The following DNAJC24 variants were observed in gnomAD, a reference collection of about 807,000 sequenced individuals.
DNAJC24 encodes DnaJ heat shock protein family (Hsp40) member C24.
Under a neutral mutation model 18.0 loss-of-function variants are expected in DNAJC24, and 17 were observed. That is an observed-to-expected ratio of 0.94 (90% CI 0.65 to 1.42). The LOEUF is 1.42. Among genes scored for constraint, DNAJC24 ranks in the 40% most tolerant of loss-of-function variants. The probability of loss-of-function intolerance (pLI) is 0.00; values close to 1 mark genes in which losing one functional copy is unlikely to be tolerated. For missense variants in DNAJC24, 158 were observed against 175.6 expected, an observed-to-expected ratio of 0.90 and a Z score of 0.57; for synonymous variants, 55 against 57.7, an observed-to-expected ratio of 0.95 and a Z score of 0.21.
chr11:31,392,519 G>A (rs1952507122), intron 2 of DNAJC24, among the ~76,000 whole-genome samples: 1 of 151,978 alleles, frequency 6.6e-6, no homozygotes, highest in Non-Finnish European at 1.5e-5. Context: ...AAATAAATAT[G>A]TTGATATTCT....
chr11:31,382,649 CAA>C (rs1403431629), intron 2 of DNAJC24, among the ~76,000 whole-genome samples: 1 of 152,040 alleles, frequency 6.6e-6, no homozygotes, highest in African/African-American at 2.4e-5. Context: ...GGGAAAAAGC[CAA>C]AGTGTTTTCC....
At chr11:31,403,125 A>ATGCG (rs1554933298) in intron 2 of DNAJC24, among the ~76,000 whole-genome samples, 2 of 146,566 alleles carry the variant, frequency 1.4e-5, no homozygotes, top group African/African-American at 5.1e-5. Context: ...GCATATATGC[A>ATGCG]TGTGTGTGTG....
chr11:31,432,407 GC>G lies in DNAJC24; in HGVS notation c.*2007del. The G allele has an allele frequency of 2.4e-6, 2 of 823,918 alleles. No individual in the cohort carries two copies. The highest frequency in any genetic ancestry group is 4.0e-6 in the Non-Finnish European group (2 of 498,910). 51.0% of individuals were successfully genotyped at this position (823,918 alleles called of 1,614,324 possible). On this transcript the variant is annotated 3_prime_UTR_variant, in exon 5 of 5. Coordinates refer to ENST00000465995, the MANE Select transcript of DNAJC24 (RefSeq NM_181706.5). Reference sequence around the variant, plus strand: ...AATTAAAAACAACTAAAACTGAATAGCAAATAGTTTATTGGTAAGTACACGG... The same window carrying G: ...AATTAAAAACAACTAAAACTGAATAGAAATAGTTTATTGGTAAGTACACGG...
At chr11:31,407,458 G>T (rs1028703595) in intron 2 of DNAJC24, 11 of 151,774 alleles carry the variant, frequency 7.2e-5, no homozygotes, top group African/African-American at 2.7e-4. Flanking sequence ...TTCACAAGGT[G>T]GATGGATTAC....
rs1370469484 is a variant in DNAJC24 at position 31,431,827 on chromosome 11, T to A, written c.*1426T>A. ...AGACTCTGTCTCAAAAAAAATAAAA[T>A]AAAATAAATAAAAAAAGATATAGTA... is the stretch of plus-strand genomic sequence containing the variant. On this transcript the variant is annotated 3_prime_UTR_variant, in exon 5 of 5. Transcript: ENST00000465995. 5.9e-5 allele frequency: 9 copies of A among 151,286 alleles called. No individual in the cohort carries two copies. The highest frequency in any genetic ancestry group is 1.3e-4 in the Admixed American group (2 of 15,172). The allele number at this position is 151,286 out of a possible 1,614,324, so 9.4% of individuals were successfully genotyped here.
At chr11:31,416,451 A>G (rs1356240219) in intron 3 of DNAJC24, 3 of 152,184 alleles carry the variant, frequency 2.0e-5, no homozygotes, top group African/African-American at 7.2e-5. Context: ...TCCTAAAGCC[A>G]CTACGCTCTA....
At chr11:31,418,616 C>T (rs899605397) in intron 3 of DNAJC24, among the ~76,000 whole-genome samples, 1 of 151,982 alleles carries the variant, frequency 6.6e-6, no homozygotes, top group Non-Finnish European at 1.5e-5. Flanking sequence ...CTTGCTGATA[C>T]ATTATTTTAT....
At chr11:31,421,411 AAC>A (rs1279116757) in intron 3 of DNAJC24, among the ~76,000 whole-genome samples, 2 of 152,192 alleles carry the variant, frequency 1.3e-5, no homozygotes, top group East Asian at 3.8e-4. Context: ...GACATAAACA[AAC>A]ACAGTGGACT....
intron 3 of DNAJC24, chr11:31,417,457 AG>A (rs1244369022): frequency 1.3e-5 from 2 of 152,124 alleles, no homozygotes; most frequent in East Asian, 1.9e-4. Context: ...GTTTGCTAGA[AG>A]GAAAACCTTT....
intron 3 of DNAJC24, among the ~76,000 whole-genome samples, chr11:31,417,824 C>T (rs1017991733): frequency 3.3e-5 from 5 of 151,930 alleles, no homozygotes; most frequent in African/African-American, 4.8e-5. Flanking sequence ...TCAATATTGC[C>T]CACAGCCATA....
chr11:31,391,460 C>A (rs531948418), intron 2 of DNAJC24, among the ~76,000 whole-genome samples: 22 of 152,136 alleles, frequency 1.4e-4, no homozygotes, highest in Non-Finnish European at 3.1e-4. Flanking sequence ...ATAGACATTT[C>A]TTCAAAGAAG....
intron 2 of DNAJC24, among the ~76,000 whole-genome samples, chr11:31,389,608 C>G (rs566394402): frequency 1.3e-5 from 2 of 152,280 alleles, no homozygotes; most frequent in South Asian, 4.1e-4. Context: ...ATCTTCCAGA[C>G]AGAAAATTAA....
chr11:31,388,986 A>G (rs1211391357), intron 2 of DNAJC24, among the ~76,000 whole-genome samples: 1 of 152,162 alleles, frequency 6.6e-6, no homozygotes, highest in Admixed American at 6.5e-5. Context: ...CCTCATGATA[A>G]CCTCAAATCA....
At position 31,432,307 on chromosome 11, in the gene DNAJC24, G is replaced by A; in HGVS notation, c.*1906G>A. The A allele has an allele frequency of 2.1e-6, 1 of 487,492 alleles. No individual in the cohort carries two copies. Among genetic ancestry groups the A allele is most frequent in the East Asian group, 3.3e-5 (1 of 30,538 alleles). 30.2% of individuals were successfully genotyped at this position (487,492 alleles called of 1,614,324 possible). On this transcript the variant is annotated 3_prime_UTR_variant, in exon 5 of 5. Transcript: ENST00000465995. ...TCATAAAATTTAGATGACTTTTTTGGGTTACATTTTTATCCATATATTTTG... is the reference window on the plus strand; with the variant it reads ...TCATAAAATTTAGATGACTTTTTTGAGTTACATTTTTATCCATATATTTTG...
Position 31,426,361 on chromosome 11 carries a change from ATTTTT to A in DNAJC24, c.319+12_319+16del. On this transcript the variant is annotated splice_region_variant and intron_variant, in intron 4 of 4. Coordinates refer to ENST00000465995, the MANE Select transcript of DNAJC24 (RefSeq NM_181706.5). ...AGAAATGTCTTGGAATGAAGGTTGG[ATTTTT>A]TTTTTCTCTTGACAACATTTAAAAA... 3 of 1,418,554 alleles carry A rather than the reference ATTTTT, an allele frequency of 2.1e-6. No homozygotes were observed. Among genetic ancestry groups the A allele is most frequent in the Non-Finnish European group, 2.9e-6 (3 of 1,051,144 alleles). The allele number at this position is 1,418,554 out of a possible 1,614,324, so 87.9% of individuals were successfully genotyped here.
At chr11:31,373,958 GTAA>G (rs1392884307) in intron 2 of DNAJC24, 1 of 223,724 alleles carries the variant, frequency 4.5e-6, no homozygotes, top group African/African-American at 2.2e-5. Flanking sequence ...TACAATCTAG[GTAA>G]ATTTGCTTTT....
At chr11:31,430,238 G>A in intron 4 of DNAJC24, 33 bp from the exon 5 acceptor site, 1 of 1,588,108 alleles carries the variant, frequency 6.3e-7, no homozygotes, top group Non-Finnish European at 8.6e-7. Flanking sequence ...TTACTTACAA[G>A]TCTTTGAAAG....
intron 2 of DNAJC24, among the ~76,000 whole-genome samples, chr11:31,402,984 A>G (rs968986574): frequency 6.6e-6 from 1 of 152,210 alleles, no homozygotes; most frequent in Non-Finnish European, 1.5e-5. Flanking sequence ...CATTGACTGC[A>G]GCATCGTTAT....
chr11:31,422,367 A>T (rs1050228194), intron 3 of DNAJC24, among the ~76,000 whole-genome samples: 1 of 152,208 alleles, frequency 6.6e-6, no homozygotes. Flanking sequence ...TGGACTCATT[A>T]TAAGAGTATA....
Sources: gnomAD v4.1 joint callset for allele counts (sites outside exome capture counted in the v4.1 genomes callset) on GRCh38, gnomAD v4.1.1 for gene constraint, MANE v1.5 for transcripts, NCBI Gene and HGNC (gene_info 2026-07-23, HGNC 2026-07-21) for gene names.